The following STXBP4 variants were observed in gnomAD, a reference collection of about 807,000 sequenced individuals.
STXBP4 encodes the protein syntaxin binding protein 4.
A neutral mutation model predicts 76.1 loss-of-function variants in STXBP4; 55 were observed. That is an observed-to-expected ratio of 0.72 (90% CI 0.58 to 0.91). The LOEUF (loss-of-function observed/expected upper bound fraction) is 0.91. STXBP4 is among the 40% of genes least tolerant of loss of function. The probability of loss-of-function intolerance (pLI) is 0.00; values close to 1 mark genes in which losing one functional copy is unlikely to be tolerated. For synonymous variants in STXBP4, 201 were observed against 220.2 expected, an observed-to-expected ratio of 0.91 and a Z score of 0.77; for missense variants, 618 against 636.9, an observed-to-expected ratio of 0.97 and a Z score of 0.32.
chr17:55,109,696 C>G (rs2079688577), intron 16 of STXBP4, among the ~76,000 whole-genome samples: 1 of 146,204 alleles, frequency 6.8e-6, no homozygotes, highest in Non-Finnish European at 1.5e-5. Flanking sequence ...GTGGCACAAT[C>G]TCAGCTCACT....
intron 4 of STXBP4, chr17:54,991,868 A>T (rs1268998954): frequency 3.9e-5 from 6 of 151,904 alleles, no homozygotes; most frequent in Non-Finnish European, 5.9e-5. Flanking sequence ...ATAGCATGAG[A>T]AAGGATCTTC....
chr17:55,137,001 A>C (rs2080035858), intron 16 of STXBP4, among the ~76,000 whole-genome samples: 1 of 152,078 alleles, frequency 6.6e-6, no homozygotes, highest in African/African-American at 2.4e-5. Context: ...CATGTTATCT[A>C]ATAAGGGTAT....
At chr17:54,971,963 G>C (rs1226720687) in intron 1 of STXBP4, among the ~76,000 whole-genome samples, 1 of 151,984 alleles carries the variant, frequency 6.6e-6, no homozygotes, top group Non-Finnish European at 1.5e-5. Flanking sequence ...AATACAGGCT[G>C]GTTACGTGAT....
intron 1 of STXBP4, among the ~76,000 whole-genome samples, chr17:54,971,987 A>ATATAGGT (rs1403321258): frequency 6.6e-6 from 1 of 152,120 alleles, no homozygotes; most frequent in East Asian, 1.9e-4. Flanking sequence ...ATGTGCCTCA[A>ATATAGGT]TATAGGTCTG....
At position 55,031,152 on chromosome 17, in the gene STXBP4, G is replaced by C; in HGVS notation, c.667-16G>C. 6.2e-7 allele frequency: 1 copy of C among 1,603,112 alleles called. No individual in the cohort carries two copies. Among genetic ancestry groups the C allele is most frequent in the South Asian group, 1.1e-5 (1 of 90,520 alleles). On this transcript the variant is annotated splice_polypyrimidine_tract_variant and intron_variant, in intron 8 of 17. Transcript: ENST00000376352. ...AGATTTGAAAAATTGCTTTTCATGA[G>C]TCCTTTATCTTCCAGGCTCTAAATT...
Position 55,073,169 on chromosome 17 carries a change from C to G in STXBP4, c.1188+93C>G, listed in dbSNP as rs147068188. 12,522 of 1,171,664 alleles carry G rather than the reference C, an allele frequency of 0.011. 99 individuals are homozygous for G. Among genetic ancestry groups the G allele is most frequent in the Middle Eastern group, 0.013 (60 of 4,596 alleles). The allele number at this position is 1,171,664 out of a possible 1,614,324, so 72.6% of individuals were successfully genotyped here. A position where few individuals can be genotyped will look rare whatever the true frequency, so the allele number is the denominator to read the frequency against. On this transcript the variant is annotated intron_variant, in intron 13 of 17. Transcript: ENST00000376352. ...TTTTCTTTTCATCTGCACTTCTAAA[C>G]TAGGTCAGTGTTTGTCTTCTATTAT...
downstream of STXBP4, among the ~76,000 whole-genome samples, chr17:55,177,176 T>G (rs2080434230): frequency 1.3e-5 from 2 of 152,188 alleles, no homozygotes; most frequent in Admixed American, 6.5e-5. Context: ...GTTCTGTTTC[T>G]CTGGAGAACC....
At chr17:55,015,715 T>G (rs2078195678) in intron 8 of STXBP4, among the ~76,000 whole-genome samples, 1 of 150,448 alleles carries the variant, frequency 6.6e-6, no homozygotes, top group South Asian at 2.1e-4. Flanking sequence ...TTGTACCGTT[T>G]GGGTTGAAAG....
intron 6 of STXBP4, 50 bp downstream of exon 6, chr17:54,999,892 C>A: frequency 8.0e-7 from 1 of 1,248,778 alleles, no homozygotes; most frequent in South Asian, 1.4e-5. Context: ...CATAAATTCC[C>A]TATACATTTT....
At chr17:54,995,545 G>A (rs953532581) in intron 4 of STXBP4, among the ~76,000 whole-genome samples, 8 of 152,286 alleles carry the variant, frequency 5.3e-5, no homozygotes, top group Admixed American at 3.3e-4. Context: ...GTGTATGTAC[G>A]TATTTTTTCC....
chr17:55,039,739 TAAAA>T (rs5821081), intron 10 of STXBP4, among the ~76,000 whole-genome samples: 1 of 146,282 alleles, frequency 6.8e-6, no homozygotes, highest in South Asian at 2.1e-4. Context: ...GAAGAATGAA[TAAAA>T]AAAAAAACTC....
chr17:54,981,462 G>GT (rs1305070925), intron 1 of STXBP4, among the ~76,000 whole-genome samples: 2 of 152,080 alleles, frequency 1.3e-5, no homozygotes, highest in African/African-American at 4.8e-5. Flanking sequence ...GATGAAAGTT[G>GT]TATCTCAAAA....
chr17:55,087,991 G>A (rs371733891), intron 16 of STXBP4, among the ~76,000 whole-genome samples: 12 of 152,138 alleles, frequency 7.9e-5, no homozygotes, highest in East Asian at 5.8e-4. Context: ...CTCTTGCAAG[G>A]GTTATGCTTT....
chr17:55,019,186 A>G (rs2078260613), intron 8 of STXBP4, among the ~76,000 whole-genome samples: 1 of 151,762 alleles, frequency 6.6e-6, no homozygotes, highest in Non-Finnish European at 1.5e-5. Context: ...CTTATTTTTT[A>G]TTTTTGTTCT....
chr17:55,191,466 C>A, the STXBP4 span, among the ~76,000 whole-genome samples: 3 of 152,120 alleles, frequency 2.0e-5, no homozygotes, highest in African/African-American at 7.2e-5. Flanking sequence ...AATGGAGGAT[C>A]CTTCTTATTT....
At chr17:55,197,885 G>A in the STXBP4 span, among the ~76,000 whole-genome samples, 8 of 152,214 alleles carry the variant, frequency 5.3e-5, no homozygotes, top group African/African-American at 7.2e-5. Flanking sequence ...TGGTGTTACC[G>A]GGGCAGGGAG....
chr17:55,000,872 T>C lies in STXBP4; in HGVS notation c.563T>C (p.Leu188Ser). 6.2e-7 allele frequency: 1 copy of C among 1,600,216 alleles called. No homozygotes were observed. The highest frequency in any genetic ancestry group is 1.3e-5 in the African/African-American group (1 of 74,698). The change falls in exon 7 of 18, where the codon TTG (leucine) becomes TCG (serine). Residue 188 changes from leucine to serine, a missense_variant. Transcript: ENST00000376352. ...ACTTCAGAAAACAGTACTGTGGGTT[T>C]GTCTAATACAGGTAAATACACATTT... ...PITSENSTVG[L>S]SNTDVASAWT...
chr17:55,183,235 C>G, the STXBP4 span, among the ~76,000 whole-genome samples: 1 of 152,088 alleles, frequency 6.6e-6, no homozygotes, highest in South Asian at 2.1e-4. Flanking sequence ...TGTAATCTCT[C>G]AATCAACCAC....
At chr17:55,193,741 T>C in the STXBP4 span, among the ~76,000 whole-genome samples, 1 of 151,348 alleles carries the variant, frequency 6.6e-6, no homozygotes, top group Admixed American at 6.6e-5. Context: ...GAAATTTGGT[T>C]TTGGAACCCT....
Sources: allele counts gnomAD v4.1 joint callset (sites outside exome capture counted in the v4.1 genomes callset), GRCh38; gene constraint gnomAD v4.1.1; transcripts MANE v1.5; gene names NCBI Gene and HGNC (gene_info 2026-07-23, HGNC 2026-07-21).